Variants in HPSE2 observed in about 807,000 individuals in gnomAD.
HPSE2 encodes the protein inactive heparanase-2.
HPSE2 carries 38 observed loss-of-function variants against 60.5 expected under a neutral mutation model. The ratio of observed to expected loss-of-function variants is 0.63; its 90% CI spans 0.48 to 0.82. The LOEUF is 0.82. HPSE2 is among the 40% of genes least tolerant of loss of function. The pLI is 0.00. For synonymous variants in HPSE2, 295 were observed against 293.2 expected, an observed-to-expected ratio of 1.01 and a Z score of -0.06; for missense variants, 713 against 740.4, an observed-to-expected ratio of 0.96 and a Z score of 0.43.
At chr10:99,215,148 C>G (rs1589830405) in intron 2 of HPSE2, among the ~76,000 whole-genome samples, 1 of 152,076 alleles carries the variant, frequency 6.6e-6, no homozygotes, top group East Asian at 1.9e-4. Flanking sequence ...ACACATGCAC[C>G]CATATGTTTA....
chr10:99,294,430 A>G, the HPSE2 span, among the ~76,000 whole-genome samples: 1 of 146,172 alleles, frequency 6.8e-6, no homozygotes, highest in African/African-American at 2.5e-5. Flanking sequence ...TATAATATAT[A>G]ATATATACAT....
At chr10:99,264,816 TC>T in the HPSE2 span, among the ~76,000 whole-genome samples, 2 of 45,088 alleles carry the variant, frequency 4.4e-5, no homozygotes, top group Non-Finnish European at 2.4e-4. Context: ...GTATCACCCC[TC>T]ACCCCAAAAT....
intron 3 of HPSE2, among the ~76,000 whole-genome samples, chr10:98,964,714 C>T (rs1401984156): frequency 2.0e-5 from 3 of 152,148 alleles, no homozygotes; most frequent in Non-Finnish European, 4.4e-5. Flanking sequence ...TTATAGTCAA[C>T]TATTAAATAA....
rs572508126 is a variant in HPSE2, at chr10:98,649,917, A to T, written c.1005-7977T>A. ...GTAGGGCACCTGAGGTGAACTTCAG[A>T]TCCCATTCACCTGAGCTTGCTCCTG... On this transcript the variant is annotated intron_variant, in intron 6 of 11. Coordinates refer to ENST00000370552, the MANE Select transcript of HPSE2 (RefSeq NM_021828.5). 2.0e-5 allele frequency among the ~76,000 whole-genome samples: 3 copies of T among 152,300 alleles called. No homozygotes were observed. In the South Asian group the frequency reaches 6.2e-4, roughly 32 times the overall value.
chr10:99,298,270 A>G, the HPSE2 span, among the ~76,000 whole-genome samples: 136 of 152,352 alleles, frequency 8.9e-4, no homozygotes, highest in Middle Eastern at 0.01. Context: ...TTTTGGCTTA[A>G]CAGCCACCTA....
intron 2 of HPSE2, among the ~76,000 whole-genome samples, chr10:99,161,176 C>A (rs1041119986): frequency 1.1e-4 from 16 of 151,448 alleles, no homozygotes; most frequent in African/African-American, 3.9e-4. Context: ...AGCCATGGTC[C>A]CATCACTGCA....
intron 2 of HPSE2, among the ~76,000 whole-genome samples, chr10:99,222,911 T>G (rs1849359642): frequency 6.6e-6 from 1 of 152,224 alleles, no homozygotes; most frequent in Non-Finnish European, 1.5e-5. Context: ...GGAAGGCATA[T>G]GGCACACATT....
the HPSE2 span, among the ~76,000 whole-genome samples, chr10:99,249,450 T>C: frequency 6.6e-6 from 1 of 152,248 alleles, no homozygotes; most frequent in African/African-American, 2.4e-5. Flanking sequence ...TTCTCCCTTT[T>C]GGAATGGGTG....
intron 2 of HPSE2, among the ~76,000 whole-genome samples, chr10:99,176,532 G>C (rs1391671867): frequency 1.3e-5 from 2 of 151,906 alleles, no homozygotes; most frequent in Non-Finnish European, 2.9e-5. Flanking sequence ...AGAGATTGAA[G>C]AGCAACTTAA....
At chr10:98,907,492 C>G (rs1407113912) in intron 3 of HPSE2, among the ~76,000 whole-genome samples, 3 of 152,070 alleles carry the variant, frequency 2.0e-5, no homozygotes, top group Non-Finnish European at 4.4e-5. Flanking sequence ...CAAAACAAAA[C>G]AATACACACA....
chr10:98,725,910 GA>G (rs1949064304), intron 4 of HPSE2, among the ~76,000 whole-genome samples: 1 of 152,182 alleles, frequency 6.6e-6, no homozygotes, highest in African/African-American at 2.4e-5. Flanking sequence ...GGCCATCAGA[GA>G]AATGCAAATC....
chr10:98,563,352 T>G (rs1211140296), intron 9 of HPSE2, among the ~76,000 whole-genome samples: 1 of 151,844 alleles, frequency 6.6e-6, no homozygotes, highest in Non-Finnish European at 1.5e-5. Flanking sequence ...ATAAGAAATG[T>G]CCAGAATAGG....
intron 3 of HPSE2, among the ~76,000 whole-genome samples, chr10:98,756,161 A>G (rs1234062668): frequency 2.0e-5 from 3 of 152,156 alleles, no homozygotes; most frequent in African/African-American, 7.2e-5. Context: ...AGAATCTCGG[A>G]CACAGTTAAA....
At chr10:98,799,982 A>T (rs1221608868) in intron 3 of HPSE2, among the ~76,000 whole-genome samples, 1 of 152,202 alleles carries the variant, frequency 6.6e-6, no homozygotes, top group Non-Finnish European at 1.5e-5. Flanking sequence ...ACAAAAGTCA[A>T]TGAAACAAAA....
intron 9 of HPSE2, among the ~76,000 whole-genome samples, chr10:98,571,436 T>C (rs1428474352): frequency 1.3e-5 from 2 of 152,150 alleles, no homozygotes; most frequent in African/African-American, 2.4e-5. Context: ...CAATGTGTAA[T>C]GAATGATCGT....
intron 2 of HPSE2, among the ~76,000 whole-genome samples, chr10:99,207,793 G>T (rs1489167511): frequency 6.6e-6 from 1 of 151,606 alleles, no homozygotes; most frequent in Admixed American, 6.6e-5. Flanking sequence ...ACCTATAGTA[G>T]GTTTAATAGC....
chr10:98,507,279 A>T (rs1274517430), intron 9 of HPSE2, among the ~76,000 whole-genome samples: 7 of 152,184 alleles, frequency 4.6e-5, no homozygotes, highest in Admixed American at 2.6e-4. Context: ...ATTTTGCTTT[A>T]AAAGTAACAT....
chr10:98,528,997 C>G (rs912319348), intron 9 of HPSE2, among the ~76,000 whole-genome samples: 1 of 152,248 alleles, frequency 6.6e-6, no homozygotes, highest in Non-Finnish European at 1.5e-5. Context: ...ACTTATGGTA[C>G]GCCCTGGGCT....
intron 3 of HPSE2, among the ~76,000 whole-genome samples, chr10:98,857,967 C>A (rs989413730): frequency 6.6e-6 from 1 of 152,044 alleles, no homozygotes; most frequent in Non-Finnish European, 1.5e-5. Context: ...TAAAGGAAAA[C>A]CACTGGTCTT....
Sources: allele counts gnomAD v4.1 joint callset (sites outside exome capture counted in the v4.1 genomes callset), GRCh38; gene constraint gnomAD v4.1.1; transcripts MANE v1.5; gene names NCBI Gene and HGNC (gene_info 2026-07-23, HGNC 2026-07-21).